Variants in ZPBP observed in about 807,000 individuals in gnomAD.
The protein encoded by ZPBP is zona pellucida binding protein, also known as zona pellucida-binding protein 1.
ZPBP carries 26 observed loss-of-function variants against 44.8 expected under a neutral mutation model. That is an observed-to-expected ratio of 0.58 (90% confidence interval 0.43 to 0.81). ZPBP has a LOEUF of 0.81. Ranked by LOEUF, ZPBP falls within the 30% of genes least tolerant of loss-of-function variation. The probability of loss-of-function intolerance (pLI) is 0.00; values close to 1 mark genes in which losing one functional copy is unlikely to be tolerated. For missense variants in ZPBP, 409 were observed against 434.0 expected (o/e 0.94, Z 0.51); for synonymous variants, 174 against 153.2 (o/e 1.14, Z -1.00).
At chr7:49,959,553 A>T (rs1267515354) in intron 7 of ZPBP, among the ~76,000 whole-genome samples, 1 of 152,186 alleles carries the variant, frequency 6.6e-6, no homozygotes, top group Non-Finnish European at 1.5e-5. Flanking sequence ...AATCTAAGAG[A>T]TTTGCTAGAA....
At chr7:49,862,741 T>C (rs1203970233) in intron 2 of ZPBP, among the ~76,000 whole-genome samples, 5 of 151,388 alleles carry the variant, frequency 3.3e-5, no homozygotes, top group Admixed American at 2.6e-4. Context: ...TTTTTTTCAT[T>C]CTTCATTCTG....
chr7:49,993,807 A>G (rs1210889169), intron 6 of ZPBP, among the ~76,000 whole-genome samples: 1 of 152,186 alleles, frequency 6.6e-6, no homozygotes, highest in Non-Finnish European at 1.5e-5. Flanking sequence ...GAACCCATGC[A>G]TAATCTCATG....
At chr7:49,968,210 T>C (rs867904635) in intron 7 of ZPBP, among the ~76,000 whole-genome samples, 1 of 152,046 alleles carries the variant, frequency 6.6e-6, no homozygotes, top group African/African-American at 2.4e-5. Context: ...CAGTAATGTG[T>C]GTGATCTCTA....
At chr7:50,010,445 G>A (rs1281089749) in intron 6 of ZPBP, among the ~76,000 whole-genome samples, 1 of 151,850 alleles carries the variant, frequency 6.6e-6, no homozygotes, top group Non-Finnish European at 1.5e-5. Flanking sequence ...ATAATCTTTA[G>A]CTTAAATCTC....
intron 3 of ZPBP, among the ~76,000 whole-genome samples, chr7:50,074,978 T>C (rs1459205902): frequency 6.6e-6 from 1 of 151,848 alleles, no homozygotes; most frequent in Non-Finnish European, 1.5e-5. Flanking sequence ...ATTATTTTCC[T>C]CAGTACAGAG....
At chr7:49,961,865 C>T (rs1376720753) in intron 7 of ZPBP, among the ~76,000 whole-genome samples, 2 of 151,938 alleles carry the variant, frequency 1.3e-5, no homozygotes, top group Non-Finnish European at 2.9e-5. Context: ...GAATGTAAAG[C>T]ATGTAACAGA....
intron 2 of ZPBP, among the ~76,000 whole-genome samples, chr7:49,870,272 C>A (rs1403425496): frequency 1.3e-5 from 2 of 151,998 alleles, no homozygotes; most frequent in Non-Finnish European, 2.9e-5. Context: ...TGGTGGCGGG[C>A]GCCTGTAGTC....
At chr7:49,865,819 A>G (rs1426786232) in intron 2 of ZPBP, among the ~76,000 whole-genome samples, 2 of 152,104 alleles carry the variant, frequency 1.3e-5, no homozygotes, top group African/African-American at 4.8e-5. Flanking sequence ...AGCACCCAGA[A>G]TGCTCATTCC....
At chr7:50,010,908 C>CAAAAAAAAAAAAAAAAA (rs71554292) in intron 6 of ZPBP, among the ~76,000 whole-genome samples, 10 of 92,426 alleles carry the variant, frequency 1.1e-4, no homozygotes, top group African/African-American at 1.7e-4. Context: ...CAAGACCAAG[C>CAAAAAAAAAAAAAAAAA]AAAAAAAAAA....
intron 4 of ZPBP, among the ~76,000 whole-genome samples, chr7:50,043,979 G>A (rs1325824617): frequency 3.9e-5 from 6 of 152,176 alleles, no homozygotes; most frequent in Non-Finnish European, 8.8e-5. Context: ...AGACCACAGT[G>A]CAATAAAATT....
intron 2 of ZPBP, among the ~76,000 whole-genome samples, chr7:49,874,410 C>A (rs1024146049): frequency 6.6e-6 from 1 of 152,006 alleles, no homozygotes; most frequent in African/African-American, 2.4e-5. Flanking sequence ...TAGGCTATAT[C>A]GTACAGCCTA....
chr7:49,893,336 TC>T (rs1230330330), intron 2 of ZPBP, among the ~76,000 whole-genome samples: 1 of 152,182 alleles, frequency 6.6e-6, no homozygotes, highest in Non-Finnish European at 1.5e-5. Flanking sequence ...TGCATAGCAC[TC>T]CCTGGGAGTC....
chr7:49,934,446 TAA>T (rs11320275), downstream of ZPBP, among the ~76,000 whole-genome samples: 42 of 148,022 alleles, frequency 2.8e-4, no homozygotes, highest in East Asian at 5.8e-4. Flanking sequence ...ACAGAGGGTA[TAA>T]AAAAAAAAAA....
At chr7:49,980,872 A>C (rs1413523420) in intron 7 of ZPBP, among the ~76,000 whole-genome samples, 1 of 151,938 alleles carries the variant, frequency 6.6e-6, no homozygotes, top group Non-Finnish European at 1.5e-5. Context: ...AGTCATTTCT[A>C]ATTGTTCTTT....
intron 1 of ZPBP, among the ~76,000 whole-genome samples, chr7:49,906,075 T>C (rs1283758100): frequency 6.6e-6 from 1 of 152,152 alleles, no homozygotes; most frequent in Non-Finnish European, 1.5e-5. Flanking sequence ...ACCATAAAAA[T>C]GGGCAGCCAG....
At chr7:49,920,123 A>G (rs1793954276) in intron 1 of ZPBP, 1 of 152,212 alleles carries the variant, frequency 6.6e-6, no homozygotes, top group Admixed American at 6.5e-5. Context: ...ATAAAAGGAG[A>G]CATTAATTTG....
chr7:50,069,653 T>C (rs912798811), intron 3 of ZPBP, among the ~76,000 whole-genome samples: 1 of 152,038 alleles, frequency 6.6e-6, no homozygotes, highest in Non-Finnish European at 1.5e-5. Context: ...CACTAAATCT[T>C]TTTTTTTAAA....
intron 6 of ZPBP, among the ~76,000 whole-genome samples, chr7:49,996,201 C>T (rs910414443): frequency 1.3e-5 from 2 of 152,150 alleles, no homozygotes; most frequent in African/African-American, 4.8e-5. Flanking sequence ...TTTCACTTGG[C>T]TTTTCTCACC....
At chr7:49,858,560 T>TG (rs1554335784) in intron 2 of ZPBP, among the ~76,000 whole-genome samples, 4 of 26,602 alleles carry the variant, frequency 1.5e-4, no homozygotes, top group Admixed American at 5.4e-4. Context: ...TGTTGTGGGG[T>TG]GGGGGAGGGG....
Sources: gnomAD v4.1 joint callset for allele counts (sites outside exome capture counted in the v4.1 genomes callset) on GRCh38, gnomAD v4.1.1 for gene constraint, MANE v1.5 for transcripts, NCBI Gene and HGNC (gene_info 2026-07-23, HGNC 2026-07-21) for gene names.